HTT: variants seen among roughly 807,000 people sequenced by gnomAD.
HTT encodes the protein huntingtin.
In HTT, 104 loss-of-function variants were observed where a neutral mutation model predicts 362.3. The observed-to-expected ratio is 0.29, with a 90% confidence interval of 0.24 to 0.34. HTT has a LOEUF of 0.34. Ranked by LOEUF, HTT falls within the 10% of genes least tolerant of loss-of-function variation. The pLI, the probability that HTT is intolerant of heterozygous loss-of-function variation, is 1.00. For missense variants in HTT, 3,301 were observed against 3,928.6 expected, an observed-to-expected ratio of 0.84 and a Z score of 4.27; for synonymous variants, 1,577 against 1,548.7, an observed-to-expected ratio of 1.02 and a Z score of -0.43.
chr4:3,219,134 TC>T (rs1720559700), intron 52 of HTT, among the ~76,000 whole-genome samples: 1 of 152,170 alleles, frequency 6.6e-6, no homozygotes, highest in South Asian at 2.1e-4. Flanking sequence ...TTGTAGGCTT[TC>T]CTGGGAAGAG....
intron 41 of HTT, among the ~76,000 whole-genome samples, chr4:3,200,474 A>G (rs1304420655): frequency 1.3e-5 from 2 of 152,206 alleles, no homozygotes; most frequent in East Asian, 3.8e-4. Context: ...AGGTGCTCCA[A>G]CACTCCATTA....
chr4:3,229,151 C>T lies in HTT; in HGVS notation c.8109+142C>T, dbSNP rs554964672. ...GCATGCAACACACACACAGGCCACA[C>T]GCACCATAGACACCACACACACATG... is the stretch of plus-strand genomic sequence containing the variant. On this transcript the variant is annotated intron_variant, in intron 59 of 66. Coordinates refer to ENST00000355072, the MANE Select transcript of HTT (RefSeq NM_001388492.1). The T allele has an allele frequency of 2.4e-4, 186 of 765,754 alleles. 1 individual carries two copies. The highest frequency in any genetic ancestry group is 7.7e-4 in the Middle Eastern group (2 of 2,600). The allele number at this position is 765,754 out of a possible 1,614,324, so 47.4% of individuals were successfully genotyped here.
intron 1 of HTT, among the ~76,000 whole-genome samples, 177 bp from the exon 2 acceptor site, chr4:3,086,762 T>C (rs1713229567): frequency 6.6e-6 from 1 of 152,200 alleles, no homozygotes; most frequent in African/African-American, 2.4e-5. Flanking sequence ...TTGACAGCCA[T>C]TGGTGAACTC....
Position 3,126,720 on chromosome 4 carries a change from C to CT in HTT, c.1403-538dup, listed in dbSNP as rs932406716. 5.9e-5 allele frequency among the ~76,000 whole-genome samples: 9 copies of CT among 152,256 alleles called. No individual in the cohort carries two copies. In the East Asian group the frequency reaches 1.5e-3, roughly 26 times the overall value. On this transcript the variant is annotated intron_variant, in intron 11 of 66. Coordinates refer to ENST00000355072, the MANE Select transcript of HTT (RefSeq NM_001388492.1). ...CTTTTTGCCATAATTTTTATATAGC[C>CT]TTTTTTGTTTTTAAATGGTAATTTA...
intron 64 of HTT, among the ~76,000 whole-genome samples, chr4:3,236,681 G>A (rs1024624978): frequency 2.0e-5 from 3 of 152,176 alleles, no homozygotes; most frequent in Non-Finnish European, 4.4e-5. Flanking sequence ...CTGTGAGCAG[G>A]GTGAGGAGCA....
chr4:3,171,472 C>CT (rs11408847), intron 29 of HTT, among the ~76,000 whole-genome samples: 8,965 of 132,950 alleles, frequency 0.067, 388 homozygotes, highest in African/African-American at 0.12. Context: ...TTTCTTGATT[C>CT]TTTTTTTTTT....
chr4:3,126,354 A>T (rs919347732), intron 11 of HTT, among the ~76,000 whole-genome samples: 1 of 152,114 alleles, frequency 6.6e-6, no homozygotes, highest in Non-Finnish European at 1.5e-5. Flanking sequence ...GTGCCCGGCC[A>T]GTTACAGATA....
At position 3,211,996 on chromosome 4, in the gene HTT, A is replaced by AGAGT; in HGVS notation, c.6484_6487dup (p.Ala2163GlufsTer5). On this transcript the variant is annotated frameshift_variant, in exon 48 of 67. Coordinates refer to ENST00000355072, the MANE Select transcript of HTT (RefSeq NM_001388492.1). LOFTEE classifies it high-confidence loss of function. Reference sequence around the variant, plus strand: ...ATGAGTGAAATTTCTGGTGGCCAGAAGAGTGCCCTTTTTGAAGCAGCCCGT... The same window carrying AGAGT: ...ATGAGTGAAATTTCTGGTGGCCAGAAGAGTGAGTGCCCTTTTTGAAGCAGCCCGT... The AGAGT allele has an allele frequency of 6.2e-7, 1 of 1,614,226 alleles. No individual in the cohort carries two copies. The highest frequency in any genetic ancestry group is 1.1e-5 in the South Asian group (1 of 91,088).
chr4:3,156,940 A>G (rs1189253268), intron 27 of HTT, 132 bp from the exon 28 acceptor site: 6 of 687,954 alleles, frequency 8.7e-6, no homozygotes, highest in East Asian at 8.6e-5. Context: ...TAGTTAATCA[A>G]AAGGTCAGAG....
In HTT at chr4:3,180,521, C is replaced by A. The variant is rs749310222; in HGVS notation, c.4619C>A (p.Pro1540Gln). The change falls in exon 36 of 67, where the codon CCG (proline) becomes CAG (glutamine). Residue 1540 changes from proline (P) to glutamine (Q), a missense_variant. Transcript: ENST00000355072. Reference sequence around the variant, plus strand: ...TACCCTTTTGTCCCCACAGCCATACCGGCTCTGCAGCCCATAGTCCACGAC... The same window carrying A: ...TACCCTTTTGTCCCCACAGCCATACAGGCTCTGCAGCCCATAGTCCACGAC... The part of the protein sequence containing the change: ...SGRKAVTHAI[P>Q]ALQPIVHDLF... 1 of 1,599,554 alleles carries A rather than the reference C, an allele frequency of 6.3e-7. No homozygotes were observed. Among genetic ancestry groups the A allele is most frequent in the African/African-American group, 1.4e-5 (1 of 74,026 alleles).
chr4:3,131,861 CAGTA>C (rs1715833248), intron 16 of HTT, 86 bp downstream of exon 16: 2 of 1,331,538 alleles, frequency 1.5e-6, no homozygotes, highest in East Asian at 2.3e-5. Flanking sequence ...AGTTTTAGAG[CAGTA>C]AGTGTTTTGA....
chr4:3,192,772 T>C (rs1719065913), intron 40 of HTT, among the ~76,000 whole-genome samples: 1 of 152,204 alleles, frequency 6.6e-6, no homozygotes, highest in Admixed American at 6.5e-5. Flanking sequence ...TCCTTTCTCT[T>C]ACTGGATTTT....
At chr4:3,156,396 A>G (rs375600360) in intron 27 of HTT, among the ~76,000 whole-genome samples, 209 of 152,356 alleles carry the variant, frequency 1.4e-3, no homozygotes, top group Admixed American at 1.8e-3. Flanking sequence ...CTGGGATTAC[A>G]GGTGTGAGCC....
chr4:3,176,065 T>A (rs556276377), intron 33 of HTT, among the ~76,000 whole-genome samples: 38 of 149,178 alleles, frequency 2.5e-4, no homozygotes, highest in African/African-American at 9.0e-4. Context: ...TCTCGCTCTG[T>A]CACCCAGGCT....
At chr4:3,138,359 A>G (rs1266592147) in intron 21 of HTT, among the ~76,000 whole-genome samples, 2 of 151,988 alleles carry the variant, frequency 1.3e-5, no homozygotes, top group African/African-American at 4.8e-5. Flanking sequence ...TGTACCTTGT[A>G]CCCAATATGT....
At chr4:3,226,808 T>C (rs1042946573) in intron 57 of HTT, among the ~76,000 whole-genome samples, 6 of 152,240 alleles carry the variant, frequency 3.9e-5, no homozygotes, top group Non-Finnish European at 7.3e-5. Flanking sequence ...TGTTCCCTGC[T>C]CTCTGCCTGT....
chr4:3,136,832 C>T (rs914713092), intron 21 of HTT, among the ~76,000 whole-genome samples: 1 of 151,828 alleles, frequency 6.6e-6, no homozygotes, highest in Non-Finnish European at 1.5e-5. Flanking sequence ...CTTTTTTTGG[C>T]AATTACTTAT....
At chr4:3,141,118 C>T (rs1363993373) in intron 22 of HTT, among the ~76,000 whole-genome samples, 5 of 152,282 alleles carry the variant, frequency 3.3e-5, no homozygotes, top group South Asian at 2.1e-4. Context: ...TTTTGAATAT[C>T]GTGTCAAATG....
intron 5 of HTT, 136 bp from the exon 6 acceptor site, chr4:3,107,149 C>G (rs1175004958): frequency 2.6e-6 from 2 of 774,800 alleles, no homozygotes; most frequent in African/African-American, 3.5e-5. Context: ...TCCTCCTGTT[C>G]TTTCAGCTGA....
Sources: gnomAD v4.1 joint callset for allele counts (sites outside exome capture counted in the v4.1 genomes callset) on GRCh38, gnomAD v4.1.1 for gene constraint, MANE v1.5 for transcripts, NCBI Gene and HGNC (gene_info 2026-07-23, HGNC 2026-07-21) for gene names.